The following VIT variants were observed in gnomAD, a reference collection of about 807,000 sequenced individuals.
VIT encodes the protein vitrin.
A neutral mutation model predicts 78.0 loss-of-function variants in VIT; 99 were observed. The ratio of observed to expected loss-of-function variants is 1.27; its 90% CI spans 1.08 to 1.50. VIT has a LOEUF of 1.50. Ranked by LOEUF, VIT falls within the 40% of genes most tolerant of loss-of-function variation. VIT has a pLI of 0.00. For missense variants in VIT, 1,126 were observed against 875.3 expected (o/e 1.29, Z -3.61); for synonymous variants, 374 against 334.3 (o/e 1.12, Z -1.29).
intron 9 of VIT, among the ~76,000 whole-genome samples, chr2:36,780,813 G>T (rs887450204): frequency 6.6e-6 from 1 of 152,050 alleles, no homozygotes; most frequent in African/African-American, 2.4e-5. Context: ...AAGGAGGGAG[G>T]GTGGGATGGA....
At chr2:36,794,193 A>G (rs1665700911) in intron 12 of VIT, among the ~76,000 whole-genome samples, 1 of 152,218 alleles carries the variant, frequency 6.6e-6, no homozygotes, top group African/African-American at 2.4e-5. Context: ...GGCATGGCCA[A>G]CTTCTGGCTC....
In VIT at chr2:36,743,207, A is replaced by T. The variant is rs1261908581; in HGVS notation, c.226A>T (p.Thr76Ser). The T allele has an allele frequency of 1.2e-6, 2 of 1,614,000 alleles. No individual in the cohort carries two copies. The highest frequency in any genetic ancestry group is 2.7e-5 in the African/African-American group (2 of 74,936). Residue 76 changes from threonine to serine, a missense_variant, in exon 4 of 16, where the codon ACT becomes TCT. Transcript: ENST00000379242. ...CQDPKYHVYG[T>S]DVYASYSSVC... ...AGACCCCAAATACCATGTTTATGGCACTGACGTGTATGCATCCTACTCCAG... is the reference window on the plus strand; with the variant it reads ...AGACCCCAAATACCATGTTTATGGCTCTGACGTGTATGCATCCTACTCCAG...
At chr2:36,807,024 C>A (rs1246610392) in intron 14 of VIT, among the ~76,000 whole-genome samples, 2 of 152,204 alleles carry the variant, frequency 1.3e-5, no homozygotes, top group African/African-American at 4.8e-5. Context: ...AATGACCACA[C>A]ACCCATCCCA....
At chr2:36,812,861 C>CTTTTT (rs5830441) in intron 15 of VIT, among the ~76,000 whole-genome samples, 2 of 110,302 alleles carry the variant, frequency 1.8e-5, no homozygotes, top group Admixed American at 1.0e-4. Flanking sequence ...TTTTCTTCTT[C>CTTTTT]TTTTTTTTTT....
intron 3 of VIT, among the ~76,000 whole-genome samples, chr2:36,742,023 T>G (rs1480476853): frequency 6.6e-6 from 1 of 152,168 alleles, no homozygotes; most frequent in Non-Finnish European, 1.5e-5. Context: ...TCCCTTTCAT[T>G]TGGTAATTTC....
intron 6 of VIT, among the ~76,000 whole-genome samples, chr2:36,763,149 G>T (rs1669222573): frequency 6.6e-6 from 1 of 152,208 alleles, no homozygotes; most frequent in African/African-American, 2.4e-5. Flanking sequence ...CCCCCGCTGT[G>T]GTTCTCAAAT....
intron 1 of VIT, among the ~76,000 whole-genome samples, chr2:36,713,794 G>A (rs1401637682): frequency 6.6e-6 from 1 of 152,244 alleles, no homozygotes; most frequent in East Asian, 1.9e-4. Flanking sequence ...AATCTGCAGT[G>A]TTGAGTGGTA....
chr2:36,723,916 A>G (rs1274288458), intron 2 of VIT, among the ~76,000 whole-genome samples: 1 of 145,994 alleles, frequency 6.8e-6, no homozygotes, highest in Non-Finnish European at 1.5e-5. Context: ...ATACCACTGC[A>G]TTCTAGCCTG....
chr2:36,791,258 C>T (rs73927069), intron 12 of VIT, among the ~76,000 whole-genome samples: 2,371 of 152,278 alleles, frequency 0.016, 62 homozygotes, highest in African/African-American at 0.054. Flanking sequence ...TCTCAGCCCA[C>T]CCAACCTCAG....
intron 4 of VIT, among the ~76,000 whole-genome samples, chr2:36,751,740 C>CA (rs1391742584): frequency 1.3e-5 from 2 of 151,980 alleles, no homozygotes; most frequent in African/African-American, 2.4e-5. Flanking sequence ...GCTTGTTTTG[C>CA]AAAAAACAAG....
chr2:36,757,733 G>A (rs1221411074), intron 5 of VIT, among the ~76,000 whole-genome samples: 1 of 152,214 alleles, frequency 6.6e-6, no homozygotes, highest in Admixed American at 6.5e-5. Flanking sequence ...TCTCTATGGA[G>A]ATACATAGTT....
intron 8 of VIT, 164 bp from the exon 9 acceptor site, chr2:36,774,838 T>A: frequency 1.0e-6 from 1 of 985,374 alleles, no homozygotes; most frequent in Non-Finnish European, 1.2e-6. Flanking sequence ...TTGGCCAAGA[T>A]TTTTGCCTCC....
At chr2:36,794,629 G>A (rs1259544848) in intron 12 of VIT, among the ~76,000 whole-genome samples, 1 of 152,150 alleles carries the variant, frequency 6.6e-6, no homozygotes, top group Non-Finnish European at 1.5e-5. Context: ...GTCATTTGTG[G>A]AGGATCTGAT....
intron 9 of VIT, among the ~76,000 whole-genome samples, chr2:36,775,750 CCTCAGAGT>C (rs150750320): frequency 0.012 from 1,847 of 152,278 alleles, 41 homozygotes; most frequent in African/African-American, 0.042. Context: ...GCTCTGAGTG[CCTCAGAGT>C]CTCCCATGAA....
chr2:36,762,219 T>A (rs557084860), intron 6 of VIT, among the ~76,000 whole-genome samples: 1 of 152,216 alleles, frequency 6.6e-6, no homozygotes, highest in Admixed American at 6.5e-5. Flanking sequence ...GGAGTGTGGA[T>A]AGCCAAGGGT....
chr2:36,716,978 G>A (rs1261757594), intron 2 of VIT, among the ~76,000 whole-genome samples: 1 of 144,304 alleles, frequency 6.9e-6, no homozygotes, highest in African/African-American at 2.5e-5. Context: ...CCAGGGTCAA[G>A]CGATTCTCCC....
Position 36,766,537 on chromosome 2 carries a change from G to GA in VIT, c.488-549dup, listed in dbSNP as rs991284996. 1.1e-4 allele frequency among the ~76,000 whole-genome samples: 17 copies of GA among 151,532 alleles called. No individual in the cohort carries two copies. In the East Asian group the frequency reaches 2.7e-3, roughly 24 times the overall value. On this transcript the variant is annotated intron_variant, in intron 6 of 15. Coordinates refer to ENST00000379242, the MANE Select transcript of VIT (RefSeq NM_053276.4). ...CAGAGCAAGATCCTGTCTCAAAAAA[G>GA]AAAAAAAATGTAGAATCTGGATCAT...
intron 4 of VIT, among the ~76,000 whole-genome samples, chr2:36,746,044 T>A (rs191396345): frequency 6.6e-6 from 1 of 152,364 alleles, no homozygotes; most frequent in Admixed American, 6.5e-5. Flanking sequence ...AAAAGCTTTT[T>A]CTGTGTCTAT....
chr2:36,709,554 T>A (rs1665672515), intron 1 of VIT, among the ~76,000 whole-genome samples: 1 of 152,208 alleles, frequency 6.6e-6, no homozygotes, highest in Non-Finnish European at 1.5e-5. Context: ...TATACTTTTA[T>A]TTTTTAATGA....
Sources: gnomAD v4.1 joint callset for allele counts (sites outside exome capture counted in the v4.1 genomes callset) on GRCh38, gnomAD v4.1.1 for gene constraint, MANE v1.5 for transcripts, NCBI Gene and HGNC (gene_info 2026-07-23, HGNC 2026-07-21) for gene names.